Variants in ASTN2 observed in about 807,000 individuals in gnomAD.
ASTN2 encodes astrotactin-2.
Under a neutral mutation model 139.8 loss-of-function variants are expected in ASTN2, and 54 were observed. The observed-to-expected ratio is 0.39, with a 90% confidence interval of 0.31 to 0.48. The LOEUF (loss-of-function observed/expected upper bound fraction) is 0.48, where lower values mean the gene tolerates loss of function less well. Among genes scored for constraint, ASTN2 ranks in the 20% least tolerant of loss-of-function variants. ASTN2 has a pLI of 0.95. For missense variants in ASTN2, 1,565 were observed against 1,725.1 expected (o/e 0.91, Z 1.64); for synonymous variants, 756 against 719.5 (o/e 1.05, Z -0.81).
At chr9:116,806,771 G>A (rs144932275) in intron 12 of ASTN2, among the ~76,000 whole-genome samples, 79 of 152,080 alleles carry the variant, frequency 5.2e-4, no homozygotes, top group African/African-American at 1.8e-3. Flanking sequence ...ATGCTATAAG[G>A]TCACATGATA....
chr9:117,403,007 A>G (rs1830879877), intron 1 of ASTN2, among the ~76,000 whole-genome samples: 1 of 152,240 alleles, frequency 6.6e-6, no homozygotes, highest in Non-Finnish European at 1.5e-5. Flanking sequence ...TAATGAGGCT[A>G]GAGCCTCGAG....
intron 16 of ASTN2, among the ~76,000 whole-genome samples, chr9:116,703,857 C>T (rs934165506): frequency 9.8e-5 from 15 of 152,312 alleles, no homozygotes; most frequent in Non-Finnish European, 1.9e-4. Context: ...ACATGCAGCC[C>T]TTCAAGGCAT....
chr9:116,806,210 CTG>C (rs1831024953), intron 12 of ASTN2, among the ~76,000 whole-genome samples: 1 of 152,210 alleles, frequency 6.6e-6, no homozygotes, highest in Non-Finnish European at 1.5e-5. Flanking sequence ...AGGTTGAAGA[CTG>C]TAGCAAATAC....
intron 2 of ASTN2, among the ~76,000 whole-genome samples, chr9:117,270,748 A>T (rs1469724283): frequency 6.6e-6 from 1 of 152,234 alleles, no homozygotes; most frequent in East Asian, 1.9e-4. Context: ...TTCAGGATAA[A>T]ATGCAATAGT....
At chr9:116,879,009 A>G (rs1175134088) in intron 10 of ASTN2, among the ~76,000 whole-genome samples, 1 of 151,760 alleles carries the variant, frequency 6.6e-6, no homozygotes, top group Non-Finnish European at 1.5e-5. Context: ...GACTCTGGTG[A>G]TCTGGATGGC....
At chr9:116,503,709 C>A (rs1393524329) in intron 19 of ASTN2, among the ~76,000 whole-genome samples, 1 of 152,084 alleles carries the variant, frequency 6.6e-6, no homozygotes, top group African/African-American at 2.4e-5. Context: ...AAAATATAAA[C>A]ACACATACAT....
intron 19 of ASTN2, among the ~76,000 whole-genome samples, chr9:116,560,692 C>G (rs1852858824): frequency 6.6e-6 from 1 of 152,156 alleles, no homozygotes; most frequent in Non-Finnish European, 1.5e-5. Context: ...CAGAGCTATG[C>G]CATATCCTCT....
chr9:116,648,550 T>G (rs117220912), intron 17 of ASTN2, among the ~76,000 whole-genome samples: 565 of 152,188 alleles, frequency 3.7e-3, no homozygotes, highest in Non-Finnish European at 5.8e-3. Context: ...CATACACATA[T>G]GTATTTTATT....
chr9:116,582,138 G>A (rs1457281711), intron 19 of ASTN2: 1 of 152,182 alleles, frequency 6.6e-6, no homozygotes, highest in Non-Finnish European at 1.5e-5. Flanking sequence ...ACAAGACTTG[G>A]GCTCAAGGCC....
At chr9:116,906,619 C>T (rs1478992267) in intron 10 of ASTN2, among the ~76,000 whole-genome samples, 2 of 152,038 alleles carry the variant, frequency 1.3e-5, no homozygotes, top group Non-Finnish European at 2.9e-5. Context: ...TCTTATGTGC[C>T]CCTCACCACC....
rs1000271142 is a variant in ASTN2 at position 117,247,629 on chromosome 9, C to G, written c.631-32887G>C. Among the ~76,000 whole-genome samples the G allele has an allele frequency of 3.3e-5, 5 of 152,364 alleles. No homozygotes were observed. The South Asian group carries it at 1.0e-3, about 32-fold the overall frequency. ...CAAAAACAAAAACAAAAACTGTCAT[C>G]CAGCACCAGCAGCTCCTTCCTCACA... On this transcript the variant is annotated intron_variant, in intron 2 of 22. Transcript: ENST00000313400.
At chr9:116,827,159 A>G (rs534923616) in intron 11 of ASTN2, among the ~76,000 whole-genome samples, 2 of 151,818 alleles carry the variant, frequency 1.3e-5, no homozygotes, top group South Asian at 4.2e-4. Flanking sequence ...AAAATACAAA[A>G]TTAGCCGGGT....
chr9:117,008,163 G>A lies in ASTN2; in HGVS notation c.1520C>T (p.Ser507Phe). Residue 507 changes from serine (S) to phenylalanine (F), a missense_variant, in exon 7 of 23, where the codon TCC (serine) becomes TTC (phenylalanine). By Grantham distance (155) the Ser-to-Phe change is radical. Transcript: ENST00000313400. ...TCCACAGAGGTCCCTCACCCATGGG[G>A]AGGTGGCATTGATCTGGTAATACAG... is the stretch of plus-strand genomic sequence containing the variant. ...LSLYYQINAT[S>F]PWVRDLCGQR... The A allele has an allele frequency of 6.2e-7, 1 of 1,611,646 alleles. No homozygotes were observed. The highest frequency in any genetic ancestry group is 8.5e-7 in the Non-Finnish European group (1 of 1,178,898).
chr9:116,565,031 A>G (rs1430783127), intron 19 of ASTN2, among the ~76,000 whole-genome samples: 1 of 152,064 alleles, frequency 6.6e-6, no homozygotes, highest in Non-Finnish European at 1.5e-5. Context: ...ATTCAACTCA[A>G]TAATTCCTTG....
chr9:117,275,818 C>T (rs764729226), intron 2 of ASTN2, among the ~76,000 whole-genome samples: 5 of 152,042 alleles, frequency 3.3e-5, no homozygotes, highest in Admixed American at 2.6e-4. Context: ...AATTCGCCTG[C>T]GTTGGCCTCC....
At chr9:117,252,203 C>T (rs916459320) in intron 2 of ASTN2, among the ~76,000 whole-genome samples, 63 of 152,140 alleles carry the variant, frequency 4.1e-4, no homozygotes, top group Non-Finnish European at 2.6e-4. Flanking sequence ...AAGATAGAGC[C>T]TGAGCACCAA....
At chr9:117,121,493 C>CA (rs939596771) in intron 4 of ASTN2, among the ~76,000 whole-genome samples, 4 of 152,200 alleles carry the variant, frequency 2.6e-5, no homozygotes, top group African/African-American at 9.6e-5. Context: ...CTGGAGACAG[C>CA]AAATTACACA....
At chr9:116,513,286 C>G (rs1013281727) in intron 19 of ASTN2, among the ~76,000 whole-genome samples, 1 of 152,176 alleles carries the variant, frequency 6.6e-6, no homozygotes, top group African/African-American at 2.4e-5. Flanking sequence ...ATATGAAATT[C>G]TGGGTGGAAA....
At chr9:117,218,726 G>A (rs1360786948) in intron 2 of ASTN2, among the ~76,000 whole-genome samples, 3 of 152,176 alleles carry the variant, frequency 2.0e-5, no homozygotes, top group Non-Finnish European at 4.4e-5. Flanking sequence ...CAGTAAATCG[G>A]AGTTGGCCAA....
Sources: gnomAD v4.1 joint callset for allele counts (sites outside exome capture counted in the v4.1 genomes callset) on GRCh38, gnomAD v4.1.1 for gene constraint, MANE v1.5 for transcripts, NCBI Gene and HGNC (gene_info 2026-07-23, HGNC 2026-07-21) for gene names.